MEIS2: variants seen among roughly 807,000 people sequenced by gnomAD.
The protein encoded by MEIS2 is homeobox protein Meis2.
A neutral mutation model predicts 58.6 loss-of-function variants in MEIS2; 9 were observed. The ratio of observed to expected loss-of-function variants is 0.15; its 90% CI spans 0.09 to 0.27. MEIS2 has a LOEUF of 0.27. MEIS2 is among the 10% of genes least tolerant of loss of function. MEIS2 has a pLI of 1.00. For synonymous variants in MEIS2, 221 were observed against 228.4 expected (o/e 0.97, Z 0.29); for missense variants, 427 against 635.0 (o/e 0.67, Z 3.52).
chr15:36,892,218 T>C lies in MEIS2; in HGVS notation c.1389A>G (p.Val463=), dbSNP rs1278840560. ...SAQSPTMLNS[V]DPNVGGQVMD... ...TAACCTGTCCGCCAACATTGGGATC[T>C]ACAGAATTTAACATTGTGGGGCTCT... is the stretch of plus-strand genomic sequence containing the variant. The change falls in exon 12 of 12, where the codon GTA becomes GTG. Residue 463 remains valine (V), a synonymous_variant. Coordinates refer to ENST00000561208, the MANE Select transcript of MEIS2 (RefSeq NM_170675.5). The C allele has an allele frequency of 6.2e-7, 1 of 1,614,214 alleles. No homozygotes were observed. Among genetic ancestry groups the C allele is most frequent in the East Asian group, 2.2e-5 (1 of 44,880 alleles).
intron 8 of MEIS2, among the ~76,000 whole-genome samples, chr15:36,998,071 C>T (rs1206092991): frequency 1.3e-5 from 2 of 152,018 alleles, no homozygotes; most frequent in Admixed American, 6.6e-5. Flanking sequence ...TTCTTCAGTT[C>T]GAGCATGCAC....
chr15:37,014,177 C>G (rs1051381266), intron 8 of MEIS2, among the ~76,000 whole-genome samples: 2 of 152,202 alleles, frequency 1.3e-5, no homozygotes, highest in African/African-American at 2.4e-5. Context: ...CTTAAACCCA[C>G]TGCTTAGATA....
In MEIS2 at chr15:37,045,530, T is replaced by C. The variant is rs536897726; in HGVS notation, c.755-8571A>G. 3.9e-5 allele frequency among the ~76,000 whole-genome samples: 6 copies of C among 152,298 alleles called. No individual in the cohort carries two copies. The East Asian group carries it at 7.7e-4, about 20-fold the overall frequency. On this transcript the variant is annotated intron_variant, in intron 7 of 11. Coordinates refer to ENST00000561208, the MANE Select transcript of MEIS2 (RefSeq NM_170675.5). ...GCTTTTGCTTAATTCTGCTTTAGAATACAGCCTTGCAAAACTTGCTTTCCA... is the reference window on the plus strand; with the variant it reads ...GCTTTTGCTTAATTCTGCTTTAGAACACAGCCTTGCAAAACTTGCTTTCCA...
chr15:37,097,907 G>A, intron 2 of MEIS2, 60 bp downstream of exon 2: 1 of 1,506,346 alleles, frequency 6.6e-7, no homozygotes, highest in Non-Finnish European at 8.9e-7. Context: ...CACCCCCACA[G>A]AGACAAACAC....
In MEIS2 at chr15:36,892,080, G is replaced by C; in HGVS notation, c.*93C>G. On this transcript the variant is annotated 3_prime_UTR_variant, in exon 12 of 12. Transcript: ENST00000561208. ...AGTAAAAAATAATCACAGCTGTCTG[G>C]AATTTCATATTAAGTGTCAACATCT... is the stretch of plus-strand genomic sequence containing the variant. 7.5e-7 allele frequency: 1 copy of C among 1,334,878 alleles called. No individual in the cohort carries two copies. Among genetic ancestry groups the C allele is most frequent in the Admixed American group, 1.9e-5 (1 of 51,718 alleles). The allele number at this position is 1,334,878 out of a possible 1,614,324, so 82.7% of individuals were successfully genotyped here.
chr15:36,987,740 G>A (rs1002099611), intron 8 of MEIS2, among the ~76,000 whole-genome samples: 8 of 151,622 alleles, frequency 5.3e-5, no homozygotes. Flanking sequence ...TCTGTTCACA[G>A]GGATCATCTT....
Position 37,099,563 on chromosome 15 carries a change from T to C in MEIS2, c.-97A>G, listed in dbSNP as rs1175053005. On this transcript the variant is annotated 5_prime_UTR_variant, in exon 1 of 12. Transcript: ENST00000561208. ...AGGCTGAAGATTCCTTTTTTTTTTTTCCAAACCAAAGAGACTTCTCCCAAT... is the reference window on the plus strand; with the variant it reads ...AGGCTGAAGATTCCTTTTTTTTTTTCCCAAACCAAAGAGACTTCTCCCAAT... 2.3e-5 allele frequency: 35 copies of C among 1,502,858 alleles called. No individual in the cohort carries two copies. The highest frequency in any genetic ancestry group is 4.6e-5 in the East Asian group (2 of 43,484). The allele number at this position is 1,502,858 out of a possible 1,614,324, so 93.1% of individuals were successfully genotyped here. A position where few individuals can be genotyped will look rare whatever the true frequency, so the allele number is the denominator to read the frequency against.
At chr15:37,082,431 T>C (rs1892358178) in intron 7 of MEIS2, among the ~76,000 whole-genome samples, 1 of 152,084 alleles carries the variant, frequency 6.6e-6, no homozygotes, top group African/African-American at 2.4e-5. Flanking sequence ...GATGGAGTCA[T>C]AGAAAGCTTT....
At chr15:37,068,903 C>T (rs544160290) in intron 7 of MEIS2, among the ~76,000 whole-genome samples, 1 of 152,254 alleles carries the variant, frequency 6.6e-6, no homozygotes, top group Admixed American at 6.5e-5. Context: ...TTCAAGGTCC[C>T]TATCAATGTT....
intron 2 of MEIS2, 187 bp from the exon 3 acceptor site, chr15:37,096,617 G>A: frequency 1.7e-6 from 1 of 592,326 alleles, no homozygotes. Context: ...AAAAGGGCCT[G>A]GCCCTCTCCC....
chr15:36,941,780 C>G lies in MEIS2; in HGVS notation c.977+8544G>C, dbSNP rs116654810. On this transcript the variant is annotated intron_variant, in intron 9 of 11. Coordinates refer to ENST00000561208, the MANE Select transcript of MEIS2 (RefSeq NM_170675.5). ...ACAAGATACTCTTAGTCAAGGAAGA[C>G]CCATTCCTTCCTCAAGAATTGAGTT... Among the ~76,000 whole-genome samples, 352 of 152,278 alleles carry G rather than the reference C, an allele frequency of 2.3e-3. 2 individuals are homozygous for G. The highest frequency in any genetic ancestry group is 8.0e-3 in the African/African-American group (332 of 41,562).
intron 7 of MEIS2, among the ~76,000 whole-genome samples, chr15:37,040,643 G>C (rs1346146972): frequency 6.6e-6 from 1 of 152,158 alleles, no homozygotes; most frequent in Non-Finnish European, 1.5e-5. Context: ...TGCTTCTTTT[G>C]AAAGGTTGCT....
At chr15:37,099,310 A>C (rs1201090346) in intron 1 of MEIS2, 145 bp downstream of exon 1, 21 of 1,543,070 alleles carry the variant, frequency 1.4e-5, no homozygotes, top group Non-Finnish European at 1.7e-5. Context: ...GAAGCCGATG[A>C]ATAATTTTGC....
chr15:36,995,476 C>A (rs2060444078), intron 8 of MEIS2, among the ~76,000 whole-genome samples: 1 of 151,862 alleles, frequency 6.6e-6, no homozygotes, highest in Non-Finnish European at 1.5e-5. Context: ...GTAAGTCTTA[C>A]AAGCCAGAAA....
intron 8 of MEIS2, among the ~76,000 whole-genome samples, chr15:37,022,110 C>T (rs1335807515): frequency 6.6e-6 from 1 of 151,798 alleles, no homozygotes; most frequent in Non-Finnish European, 1.5e-5. Context: ...ATTATTTCTT[C>T]ATGACAAACT....
intron 8 of MEIS2, among the ~76,000 whole-genome samples, chr15:36,989,836 A>T (rs1386352470): frequency 3.3e-5 from 5 of 152,214 alleles, no homozygotes; most frequent in Non-Finnish European, 7.3e-5. Context: ...CTGTAGTGTA[A>T]GTACAGTGTA....
intron 1 of MEIS2, 70 bp downstream of exon 1, chr15:37,099,385 G>A (rs1894828035): frequency 6.2e-7 from 1 of 1,603,884 alleles, no homozygotes. Flanking sequence ...TGAAGGGAGA[G>A]GAGGCATCGG....
Position 36,996,005 on chromosome 15 carries a change from A to G in MEIS2, c.900+40809T>C, listed in dbSNP as rs1457466329. Among the ~76,000 whole-genome samples the G allele has an allele frequency of 9.7e-3, 780 of 80,570 alleles. 13 individuals carry two copies. The highest frequency in any genetic ancestry group is 0.012 in the African/African-American group (282 of 23,000). 52.9% of individuals were successfully genotyped at this position (80,570 alleles called of 152,430 possible). Reference sequence around the variant, plus strand: ...TATATATATATATATATATATATGTATATATATATACATATGTGTATATAT... The same window carrying G: ...TATATATATATATATATATATATGTGTATATATATACATATGTGTATATAT... On this transcript the variant is annotated intron_variant, in intron 8 of 11. Transcript: ENST00000561208.
intron 8 of MEIS2, among the ~76,000 whole-genome samples, chr15:37,010,241 C>T (rs994968494): frequency 1.3e-5 from 2 of 151,520 alleles, no homozygotes; most frequent in Non-Finnish European, 2.9e-5. Flanking sequence ...GCACCCACCA[C>T]CACACCTGGC....
Sources: allele counts gnomAD v4.1 joint callset (sites outside exome capture counted in the v4.1 genomes callset), GRCh38; gene constraint gnomAD v4.1.1; transcripts MANE v1.5; gene names NCBI Gene and HGNC (gene_info 2026-07-23, HGNC 2026-07-21).